Variants in VWC2L observed in about 807,000 individuals in gnomAD.
The protein encoded by VWC2L is von Willebrand factor C domain containing 2 like.
VWC2L carries 10 observed loss-of-function variants against 21.6 expected under a neutral mutation model. The ratio of observed to expected loss-of-function variants is 0.46; its 90% CI spans 0.29 to 0.78. The LOEUF (loss-of-function observed/expected upper bound fraction) is 0.78, where lower values mean the gene tolerates loss of function less well. Among genes scored for constraint, VWC2L ranks in the 30% least tolerant of loss-of-function variants. VWC2L has a pLI of 0.10. For missense variants in VWC2L, 209 were observed against 277.1 expected, an observed-to-expected ratio of 0.75 and a Z score of 1.74; for synonymous variants, 96 against 94.3, an observed-to-expected ratio of 1.02 and a Z score of -0.10.
At chr2:214,475,521 C>T (rs920503668) in intron 3 of VWC2L, among the ~76,000 whole-genome samples, 18 of 151,808 alleles carry the variant, frequency 1.2e-4, no homozygotes, top group African/African-American at 3.9e-4. Flanking sequence ...TTAAAATAAG[C>T]AAAGGTAATG....
chr2:214,499,011 T>TTTTTTTTTTTC (rs1488418156), intron 3 of VWC2L, among the ~76,000 whole-genome samples: 36 of 9,426 alleles, frequency 3.8e-3, no homozygotes, highest in African/African-American at 0.015. Flanking sequence ...GTACCATTCT[T>TTTTTTTTTTTC]TTTTTTTTTT....
rs749794199 is a variant in VWC2L, at chr2:214,514,242, C to G, written c.521-61430C>G. 3.0e-4 allele frequency among the ~76,000 whole-genome samples: 46 copies of G among 151,792 alleles called. 1 individual carries two copies. Among genetic ancestry groups the G allele is most frequent in the Middle Eastern group, 6.8e-3 (2 of 294 alleles). Reference sequence around the variant, plus strand: ...AACTAAAATCATCTAACAGTAATCTCTGTGTTAATACCAGACATAGACAGA... The same window carrying G: ...AACTAAAATCATCTAACAGTAATCTGTGTGTTAATACCAGACATAGACAGA... On this transcript the variant is annotated intron_variant, in intron 3 of 3. Transcript: ENST00000312504.
intron 3 of VWC2L, among the ~76,000 whole-genome samples, chr2:214,550,439 T>C (rs1456999613): frequency 6.6e-6 from 1 of 152,228 alleles, no homozygotes; most frequent in Non-Finnish European, 1.5e-5. Context: ...CCAACACTTA[T>C]TACCAAAAAT....
chr2:214,565,713 G>C (rs1235266794), intron 3 of VWC2L, among the ~76,000 whole-genome samples: 1 of 152,132 alleles, frequency 6.6e-6, no homozygotes, highest in Non-Finnish European at 1.5e-5. Flanking sequence ...ATAACAATAA[G>C]TAGAATCATA....
chr2:214,478,149 T>G (rs896953877), intron 3 of VWC2L, among the ~76,000 whole-genome samples: 1 of 152,152 alleles, frequency 6.6e-6, no homozygotes, highest in Non-Finnish European at 1.5e-5. Context: ...CAGGAACAGG[T>G]GAGAAGGTGT....
chr2:214,576,061 G>A lies in VWC2L; in HGVS notation c.*241G>A, dbSNP rs1690224632. On this transcript the variant is annotated 3_prime_UTR_variant, in exon 4 of 4. Transcript: ENST00000312504. ...GCTTTTGTATTTACCAATGCTTGAT[G>A]GTGACTTGACGACTGGATTGCTGGA... 7.5e-6 allele frequency: 2 copies of A among 267,226 alleles called. No individual in the cohort carries two copies. Among genetic ancestry groups the A allele is most frequent in the South Asian group, 2.7e-4 (2 of 7,540 alleles). 16.6% of individuals were successfully genotyped at this position (267,226 alleles called of 1,614,324 possible).
intron 3 of VWC2L, among the ~76,000 whole-genome samples, chr2:214,451,574 G>A (rs1187817959): frequency 1.3e-5 from 2 of 152,100 alleles, no homozygotes; most frequent in African/African-American, 4.8e-5. Context: ...GCCAAGAAGG[G>A]CTATTCTTAA....
chr2:214,531,474 C>T (rs1394730846), intron 3 of VWC2L, among the ~76,000 whole-genome samples: 1 of 152,076 alleles, frequency 6.6e-6, no homozygotes, highest in African/African-American at 2.4e-5. Flanking sequence ...ACAAAAGGAG[C>T]AATTTTGCAT....
chr2:214,529,806 C>T (rs553220291), intron 3 of VWC2L, among the ~76,000 whole-genome samples: 2 of 152,214 alleles, frequency 1.3e-5, no homozygotes, highest in Non-Finnish European at 2.9e-5. Flanking sequence ...TATCTCAGAT[C>T]GATGGAATTA....
At chr2:214,428,477 A>C (rs188269451) in intron 2 of VWC2L, among the ~76,000 whole-genome samples, 1 of 152,282 alleles carries the variant, frequency 6.6e-6, no homozygotes, top group Admixed American at 6.5e-5. Flanking sequence ...CTTGTCCCAA[A>C]GTTATACACT....
intron 2 of VWC2L, among the ~76,000 whole-genome samples, chr2:214,428,506 A>G (rs1415008861): frequency 1.3e-5 from 2 of 152,182 alleles, no homozygotes; most frequent in Non-Finnish European, 2.9e-5. Flanking sequence ...GAGGTTTATC[A>G]AGAAAGTACT....
chr2:214,512,996 T>G (rs1002094767), intron 3 of VWC2L, among the ~76,000 whole-genome samples: 3 of 152,080 alleles, frequency 2.0e-5, no homozygotes, highest in African/African-American at 7.3e-5. Flanking sequence ...TAGCATCTAC[T>G]AGAGTGATAG....
intron 3 of VWC2L, among the ~76,000 whole-genome samples, chr2:214,540,250 G>A (rs1689605653): frequency 6.6e-6 from 1 of 152,024 alleles, no homozygotes; most frequent in African/African-American, 2.4e-5. Flanking sequence ...AACTTTTATC[G>A]AGTATTTTAT....
chr2:214,446,581 G>A (rs957741316), intron 3 of VWC2L, among the ~76,000 whole-genome samples: 5 of 152,130 alleles, frequency 3.3e-5, no homozygotes, highest in African/African-American at 7.2e-5. Flanking sequence ...GGGCTACCTG[G>A]TCTTCAAGAA....
At chr2:214,418,380 C>G (rs1702387230) in intron 2 of VWC2L, among the ~76,000 whole-genome samples, 1 of 152,156 alleles carries the variant, frequency 6.6e-6, no homozygotes, top group African/African-American at 2.4e-5. Flanking sequence ...CAAGACCATA[C>G]AGCTGGAAAG....
intron 3 of VWC2L, among the ~76,000 whole-genome samples, chr2:214,563,546 C>CAAAAAAAAAAAAGAAAAAAAA (rs1690010624): frequency 1.0e-5 from 1 of 95,894 alleles, no homozygotes; most frequent in African/African-American, 4.2e-5. Context: ...GACTCCGTCT[C>CAAAAAAAAAAAAGAAAAAAAA]AAAAAAAAAA....
intron 3 of VWC2L, among the ~76,000 whole-genome samples, chr2:214,549,633 C>T (rs767865241): frequency 2.0e-5 from 3 of 152,090 alleles, no homozygotes; most frequent in Non-Finnish European, 4.4e-5. Context: ...ATTAGCCGGG[C>T]GTGGTGGTGT....
chr2:214,565,691 G>A (rs755849603), intron 3 of VWC2L, among the ~76,000 whole-genome samples: 1 of 152,146 alleles, frequency 6.6e-6, no homozygotes, highest in East Asian at 1.9e-4. Context: ...AGTACAGACT[G>A]TAACTCAGGT....
At chr2:214,454,614 T>TTTTTTTTTA in intron 3 of VWC2L, among the ~76,000 whole-genome samples, 1 of 139,532 alleles carries the variant, frequency 7.2e-6, no homozygotes, top group Non-Finnish European at 1.5e-5. Flanking sequence ...TTTTTTTTTT[T>TTTTTTTTTA]TTTTTTTGAG....
Sources: gnomAD v4.1 joint callset for allele counts (sites outside exome capture counted in the v4.1 genomes callset) on GRCh38, gnomAD v4.1.1 for gene constraint, MANE v1.5 for transcripts, NCBI Gene and HGNC (gene_info 2026-07-23, HGNC 2026-07-21) for gene names.